Variants in CACNA1G observed in about 807,000 individuals in gnomAD.
CACNA1G encodes voltage-dependent T-type calcium channel subunit alpha-1G.
Under a neutral mutation model 219.4 loss-of-function variants are expected in CACNA1G, and 67 were observed. The observed-to-expected ratio is 0.31, with a 90% confidence interval of 0.25 to 0.37. The LOEUF (loss-of-function observed/expected upper bound fraction) is 0.37. CACNA1G is among the 10% of genes least tolerant of loss of function. CACNA1G has a pLI of 1.00. For missense variants in CACNA1G, 2,380 were observed against 3,231.4 expected (o/e 0.74, Z 6.39); for synonymous variants, 1,296 against 1,345.3 (o/e 0.96, Z 0.80).
In CACNA1G at chr17:50,603,945, A is replaced by G. The variant is rs1036612112; in HGVS notation, c.4170-210A>G. On this transcript the variant is annotated intron_variant, in intron 21 of 37. Coordinates refer to ENST00000359106, the MANE Select transcript of CACNA1G (RefSeq NM_018896.5). This position sits in a 1 kb window ranked among gnomAD's most constrained non-coding sequence, Gnocchi z 6.4. ...TTGACATCCTGGGATGGAGGTGGAG[A>G]TGTGGGGCATGGGGATCTCTGCCAC... 6.6e-6 allele frequency among the ~76,000 whole-genome samples: 1 copy of G among 152,076 alleles called. No homozygotes were observed. Among genetic ancestry groups the G allele is most frequent in the Non-Finnish European group, 1.5e-5 (1 of 68,012 alleles).
chr17:50,577,320 T>C (rs1333253530), intron 8 of CACNA1G, among the ~76,000 whole-genome samples: 1 of 152,028 alleles, frequency 6.6e-6, no homozygotes, highest in Non-Finnish European at 1.5e-5. Context: ...GGCCAGGCCC[T>C]GAGCGGGGGG....
intron 4 of CACNA1G, among the ~76,000 whole-genome samples, chr17:50,570,288 G>T (rs954868335): frequency 2.0e-5 from 3 of 151,810 alleles, no homozygotes; most frequent in South Asian, 2.1e-4. Context: ...CCTCCTTCCC[G>T]CCCCCTTCCA....
At position 50,614,621 on chromosome 17, in the gene CACNA1G, T is replaced by C. The variant is rs2050024766; in HGVS notation, c.4760-740T>C. Among the ~76,000 whole-genome samples, 5 of 152,242 alleles carry C rather than the reference T, an allele frequency of 3.3e-5. No homozygotes were observed. The South Asian group carries it at 1.0e-3, about 32-fold the overall frequency. The stretch of plus-strand genomic sequence containing the variant: ...TATGCCTCTGACAGATCTCAGACAG[T>C]GCTTCCAGCCCAGCCTGCAGTCTAA... On this transcript the variant is annotated intron_variant, in intron 26 of 37. Transcript: ENST00000359106.
intron 22 of CACNA1G, 144 bp downstream of exon 22, chr17:50,604,425 G>T: frequency 9.1e-7 from 1 of 1,097,104 alleles, no homozygotes; most frequent in Non-Finnish European, 1.3e-6. Context: ...CAGGCTCTAG[G>T]CCCTTTTACC....
At position 50,603,341 on chromosome 17, in the gene CACNA1G, C is replaced by A; in HGVS notation, c.4169+142C>A. The A allele has an allele frequency of 1.4e-6, 1 of 698,458 alleles. No homozygotes were observed. Among genetic ancestry groups the A allele is most frequent in the South Asian group, 1.9e-5 (1 of 53,458 alleles). 43.3% of individuals were successfully genotyped at this position (698,458 alleles called of 1,614,324 possible). On this transcript the variant is annotated intron_variant, in intron 21 of 37. Transcript: ENST00000359106. This position sits in a 1 kb window ranked among gnomAD's most constrained non-coding sequence, Gnocchi z 6.4. Reference sequence around the variant, plus strand: ...CTGTGACCCCCACAGGCGATCCTGTCCCCGCCCCAGACAACACTCAGATTA... The same window carrying A: ...CTGTGACCCCCACAGGCGATCCTGTACCCGCCCCAGACAACACTCAGATTA...
chr17:50,593,689 G>T (rs575015214), intron 13 of CACNA1G, among the ~76,000 whole-genome samples: 4 of 152,248 alleles, frequency 2.6e-5, no homozygotes, highest in Non-Finnish European at 4.4e-5. Flanking sequence ...CCCAACCTTC[G>T]CAGTATCAGG....
intron 8 of CACNA1G, among the ~76,000 whole-genome samples, chr17:50,577,074 TGGGA>T (rs1332201616): frequency 6.6e-6 from 1 of 152,130 alleles, no homozygotes. Context: ...GGATGTTACG[TGGGA>T]ATGTGGGCTG....
chr17:50,622,776 C>CAACA (rs1293771501), intron 35 of CACNA1G, among the ~76,000 whole-genome samples: 3 of 152,182 alleles, frequency 2.0e-5, no homozygotes, highest in African/African-American at 7.2e-5. Flanking sequence ...TGAAACAGAG[C>CAACA]AACAACCCCA....
intron 26 of CACNA1G, among the ~76,000 whole-genome samples, chr17:50,613,034 G>A (rs975227427): frequency 6.6e-6 from 1 of 152,236 alleles, no homozygotes; most frequent in African/African-American, 2.4e-5. Flanking sequence ...GCATCGCCAG[G>A]CCCCAACTTT....
chr17:50,569,770 C>T lies in CACNA1G; in HGVS notation c.553C>T (p.Leu185=). Residue 185 remains leucine, a synonymous_variant, in exon 4 of 38, where the codon CTG becomes TTG. Transcript: ENST00000359106. ...CTCAGCTGTCAGGACAGTCCGTGTGCTGCGACCGCTCAGGGCCATTAACCG... is the reference window on the plus strand; with the variant it reads ...CTCAGCTGTCAGGACAGTCCGTGTGTTGCGACCGCTCAGGGCCATTAACCG... ...SFSAVRTVRV[L]RPLRAINRVP... 6.4e-7 allele frequency: 1 copy of T among 1,550,810 alleles called. No individual in the cohort carries two copies.
At chr17:50,583,972 G>T (rs1210745587) in intron 9 of CACNA1G, among the ~76,000 whole-genome samples, 1 of 152,302 alleles carries the variant, frequency 6.6e-6, no homozygotes, top group African/African-American at 2.4e-5. Flanking sequence ...CAATTTCACT[G>T]GCAGGTTCTC....
chr17:50,619,775 C>T lies in CACNA1G; in HGVS notation c.5874C>T (p.Gly1958=), dbSNP rs1177138807. The change falls in exon 34 of 38, where the codon GGC becomes GGT. Residue 1958 remains glycine (G), a synonymous_variant. Transcript: ENST00000359106. ...KLMDELAGPG[G]QPSAFPSAPS... ...TGGACGAGCTGGCAGGCCCAGGGGG[C>T]CAGCCCTCTGCCTTCCCTTCTGCCC... 2 of 1,607,066 alleles carry T rather than the reference C, an allele frequency of 1.2e-6. No homozygotes were observed. The highest frequency in any genetic ancestry group is 1.1e-5 in the South Asian group (1 of 90,076).
chr17:50,561,364 G>T lies in CACNA1G; in HGVS notation c.-96G>T. 1.3e-6 allele frequency: 2 copies of T among 1,485,866 alleles called. No homozygotes were observed. The highest frequency in any genetic ancestry group is 2.5e-5 in the East Asian group (1 of 40,538). The allele number at this position is 1,485,866 out of a possible 1,614,324, so 92.0% of individuals were successfully genotyped here. A position where few individuals can be genotyped will look rare whatever the true frequency, so the allele number is the denominator to read the frequency against. ...TTGCGCCCTAGAGCCCACCAGATGT[G>T]CCCCCGCCGGGGCCCCCGGGTTGCG... On this transcript the variant is annotated 5_prime_UTR_variant, in exon 1 of 38. Transcript: ENST00000359106.
In CACNA1G at chr17:50,607,009, G is replaced by T. The variant is rs1277719456; in HGVS notation, c.4512+20G>T. 2 of 1,592,292 alleles carry T rather than the reference G, an allele frequency of 1.3e-6. No individual in the cohort carries two copies. Among genetic ancestry groups the T allele is most frequent in the East Asian group, 4.5e-5 (2 of 44,792 alleles). ...CAGCAGGTAGGGCTGAGGTGGGCAG[G>T]ATCCATCTGTGGGCTCAGGTCACTC... is the stretch of plus-strand genomic sequence containing the variant. On this transcript the variant is annotated intron_variant, in intron 24 of 37. Transcript: ENST00000359106.
intron 16 of CACNA1G, among the ~76,000 whole-genome samples, chr17:50,598,986 C>T (rs1210238000): frequency 6.6e-6 from 1 of 152,196 alleles, no homozygotes; most frequent in Non-Finnish European, 1.5e-5. Context: ...CCTCGGCCTC[C>T]CAATGTGCTG....
rs1050169440 is a variant in CACNA1G, at chr17:50,616,268, C to A, written c.4912-7C>A. ...GGGACCCTGCATCTTGCCCCCATCCCTGCCAGATTCTGGATGAGGCTCTGA... is the reference window on the plus strand; with the variant it reads ...GGGACCCTGCATCTTGCCCCCATCCATGCCAGATTCTGGATGAGGCTCTGA... On this transcript the variant is annotated splice_region_variant and splice_polypyrimidine_tract_variant and intron_variant, in intron 27 of 37. Transcript: ENST00000359106. The A allele has an allele frequency of 1.3e-6, 2 of 1,585,268 alleles. No individual in the cohort carries two copies. The highest frequency in any genetic ancestry group is 8.7e-7 in the Non-Finnish European group (1 of 1,154,044).
chr17:50,618,025 C>G lies in CACNA1G; in HGVS notation c.5227-23C>G, dbSNP rs2050951427. On this transcript the variant is annotated intron_variant, in intron 30 of 37. Transcript: ENST00000359106. The surrounding 1 kb of genome is among the most constrained non-coding windows in gnomAD (Gnocchi z 5.3). ...ACTGGGAGACCCAGCGGCATCGTTT[C>G]TATTTCTTCTCCTTTTTTCCAGGTG... 1 of 1,613,554 alleles carries G rather than the reference C, an allele frequency of 6.2e-7. No homozygotes were observed. Among genetic ancestry groups the G allele is most frequent in the African/African-American group, 1.3e-5 (1 of 74,930 alleles).
Position 50,595,078 on chromosome 17 carries a change from G to A in CACNA1G, c.2979+17G>A. 4 of 1,548,174 alleles carry A rather than the reference G, an allele frequency of 2.6e-6. No individual in the cohort carries two copies. The South Asian group carries it at 3.6e-5, about 14-fold the overall frequency. On this transcript the variant is annotated intron_variant, in intron 14 of 37. Coordinates refer to ENST00000359106, the MANE Select transcript of CACNA1G (RefSeq NM_018896.5). ...TCCCAGGGGGTAGGTACGCGATCAT[G>A]AGCCGGCATGCCTCCCGTGCCCCAT...
chr17:50,625,919 C>A, intron 37 of CACNA1G, 98 bp from the exon 38 acceptor site: 1 of 1,336,950 alleles, frequency 7.5e-7, no homozygotes, highest in Non-Finnish European at 1.0e-6. Flanking sequence ...CCTGCTGTGC[C>A]TGGTGGTGGT....
Sources: gnomAD v4.1 joint callset for allele counts (sites outside exome capture counted in the v4.1 genomes callset) on GRCh38, gnomAD v4.1.1 for gene constraint, Gnocchi (gnomAD v3.1) non-coding constraint, MANE v1.5 for transcripts, NCBI Gene and HGNC (gene_info 2026-07-23, HGNC 2026-07-21) for gene names.